PLD5: variants seen among roughly 807,000 people sequenced by gnomAD.
The protein encoded by PLD5 is inactive phospholipase D5.
A neutral mutation model predicts 61.1 loss-of-function variants in PLD5; 36 were observed. That is an observed-to-expected ratio of 0.59 (90% CI 0.45 to 0.78). PLD5 has a LOEUF of 0.78. PLD5 is among the 30% of genes least tolerant of loss of function. PLD5 has a pLI of 0.00. For missense variants in PLD5, 515 were observed against 644.4 expected (o/e 0.80, Z 2.17); for synonymous variants, 243 against 242.8 (o/e 1.00, Z -0.01).
chr1:242,198,388 A>G (rs1217755666), intron 5 of PLD5, among the ~76,000 whole-genome samples: 1 of 152,212 alleles, frequency 6.6e-6, no homozygotes, highest in African/African-American at 2.4e-5. Context: ...TTGCAGAACC[A>G]GAGACAACGT....
chr1:242,089,868 G>T lies in PLD5; in HGVS notation c.1597C>A (p.Pro533Thr). The change falls in exon 10 of 10, where the codon CCC becomes ACC. Residue 533 changes from proline to threonine, a missense_variant. Physicochemically the swap from Pro to Thr is conservative, Grantham distance 38. Coordinates refer to ENST00000536534, the MANE Select transcript of PLD5 (RefSeq NM_001372062.1). Reference sequence around the variant, plus strand: ...TCTTCATCATGTTATACGTTCCGGGGATCCTTTCCGCCTGTGTCGTCTGTG... The same window carrying T: ...TCTTCATCATGTTATACGTTCCGGGTATCCTTTCCGCCTGTGTCGTCTGTG... ...TATDDTGGKD[P>T]RNV 6.2e-7 allele frequency: 1 copy of T among 1,614,142 alleles called. No individual in the cohort carries two copies. The highest frequency in any genetic ancestry group is 8.5e-7 in the Non-Finnish European group (1 of 1,180,044).
intron 1 of PLD5, among the ~76,000 whole-genome samples, chr1:242,462,610 T>TAAA (rs35055569): frequency 2.1e-5 from 3 of 145,928 alleles, no homozygotes; most frequent in Admixed American, 1.4e-4. Context: ...AAAGTTGAAA[T>TAAA]AAAAAAAAAA....
intron 1 of PLD5, among the ~76,000 whole-genome samples, chr1:242,513,368 T>G (rs1181356399): frequency 1.3e-5 from 2 of 152,190 alleles, no homozygotes; most frequent in Admixed American, 1.3e-4. Context: ...TGCTTGGCAT[T>G]AACAGTACCT....
chr1:242,426,818 C>G (rs562669378), intron 1 of PLD5, among the ~76,000 whole-genome samples: 1 of 152,292 alleles, frequency 6.6e-6, no homozygotes, highest in South Asian at 2.1e-4. Context: ...CATTGTTAGG[C>G]TGCATTTCCC....
chr1:242,310,904 C>T (rs939004462), intron 2 of PLD5, among the ~76,000 whole-genome samples: 4 of 152,124 alleles, frequency 2.6e-5, no homozygotes, highest in African/African-American at 7.2e-5. Flanking sequence ...AAAATCATAT[C>T]CCAGTAATCT....
intron 8 of PLD5, among the ~76,000 whole-genome samples, chr1:242,103,895 G>C (rs914942713): frequency 6.6e-6 from 1 of 152,114 alleles, no homozygotes; most frequent in African/African-American, 2.4e-5. Context: ...CAGACTATTC[G>C]GGAGATTAAG....
chr1:242,249,876 C>G (rs1438620837), intron 4 of PLD5, among the ~76,000 whole-genome samples: 2 of 152,292 alleles, frequency 1.3e-5, no homozygotes, highest in East Asian at 3.9e-4. Flanking sequence ...TATTAGGAGA[C>G]AGATACTATC....
In PLD5 at chr1:242,393,583, T is replaced by C. The variant is rs920426929; in HGVS notation, c.190-45341A>G. 8.4e-5 allele frequency among the ~76,000 whole-genome samples: 8 copies of C among 95,786 alleles called. 2 individuals carry two copies. The highest frequency in any genetic ancestry group is 4.2e-4 in the South Asian group (1 of 2,378). 62.8% of individuals were successfully genotyped at this position (95,786 alleles called of 152,430 possible). ...GAGTATATATGTGTATATATATGAG[T>C]ATACATATGTGTATATATATGAGCA... On this transcript the variant is annotated intron_variant, in intron 1 of 9. Coordinates refer to ENST00000536534, the MANE Select transcript of PLD5 (RefSeq NM_001372062.1).
At chr1:242,334,705 A>T (rs2995353) in intron 2 of PLD5, among the ~76,000 whole-genome samples, 1 of 152,122 alleles carries the variant, frequency 6.6e-6, no homozygotes, top group African/African-American at 2.4e-5. Context: ...TGAGATGAAA[A>T]AAACCTTCTT....
intron 5 of PLD5, among the ~76,000 whole-genome samples, chr1:242,161,022 T>C (rs559530776): frequency 1.3e-4 from 20 of 152,138 alleles, no homozygotes; most frequent in African/African-American, 4.8e-4. Context: ...TATCTTTTTT[T>C]ATCAGTATTT....
intron 1 of PLD5, among the ~76,000 whole-genome samples, chr1:242,513,164 G>T (rs192071044): frequency 6.6e-6 from 1 of 152,246 alleles, no homozygotes. Context: ...ACAGGCCTGA[G>T]TCACCTGCAC....
At chr1:242,219,578 C>T (rs904120665) in intron 5 of PLD5, among the ~76,000 whole-genome samples, 1 of 152,158 alleles carries the variant, frequency 6.6e-6, no homozygotes, top group African/African-American at 2.4e-5. Flanking sequence ...AGAAAGATAA[C>T]ATCTTCATCT....
chr1:242,508,106 G>A (rs906278756), intron 1 of PLD5, among the ~76,000 whole-genome samples: 6 of 151,524 alleles, frequency 4.0e-5, no homozygotes, highest in African/African-American at 1.5e-4. Flanking sequence ...GCTCATGCCT[G>A]TAATCCCAGC....
chr1:242,521,399 A>G (rs1669276039), intron 1 of PLD5, among the ~76,000 whole-genome samples: 1 of 152,196 alleles, frequency 6.6e-6, no homozygotes, highest in African/African-American at 2.4e-5. Flanking sequence ...TGTCTGCTTT[A>G]TCTCACATGA....
chr1:242,228,278 G>A (rs983013315), intron 4 of PLD5, among the ~76,000 whole-genome samples: 15 of 152,186 alleles, frequency 9.9e-5, no homozygotes, highest in Non-Finnish European at 1.6e-4. Context: ...TGTCTCCCTC[G>A]TAAAGAGGAA....
intron 5 of PLD5, among the ~76,000 whole-genome samples, chr1:242,213,546 A>T (rs1485518701): frequency 6.6e-6 from 1 of 152,072 alleles, no homozygotes; most frequent in Non-Finnish European, 1.5e-5. Flanking sequence ...GTTAAATACT[A>T]GCAACTTACA....
intron 1 of PLD5, among the ~76,000 whole-genome samples, chr1:242,402,130 AGAAT>A (rs1171858299): frequency 6.6e-6 from 1 of 152,254 alleles, no homozygotes; most frequent in Non-Finnish European, 1.5e-5. Context: ...TCATGCCGAG[AGAAT>A]GATATGGAAT....
chr1:242,505,509 A>C (rs1351060800), intron 1 of PLD5, among the ~76,000 whole-genome samples: 1 of 151,928 alleles, frequency 6.6e-6, no homozygotes, highest in Admixed American at 6.6e-5. Flanking sequence ...GAAGAAAATA[A>C]GGATGCATTT....
At chr1:242,253,965 G>T (rs1672866382) in intron 4 of PLD5, among the ~76,000 whole-genome samples, 1 of 152,148 alleles carries the variant, frequency 6.6e-6, no homozygotes, top group Admixed American at 6.5e-5. Flanking sequence ...ACACAGATGG[G>T]GAGTCACTGG....
Sources: gnomAD v4.1 joint callset for allele counts (sites outside exome capture counted in the v4.1 genomes callset) on GRCh38, gnomAD v4.1.1 for gene constraint, MANE v1.5 for transcripts, NCBI Gene and HGNC (gene_info 2026-07-23, HGNC 2026-07-21) for gene names.